The following EFNA4 variants were observed in gnomAD, a reference collection of about 807,000 sequenced individuals.
EFNA4 encodes ephrin A4, also known as ephrin-A4.
EFNA4 carries 22 observed loss-of-function variants against 23.7 expected under a neutral mutation model. The observed-to-expected ratio is 0.93, with a 90% confidence interval of 0.66 to 1.32. The LOEUF (loss-of-function observed/expected upper bound fraction) is 1.32. Among genes scored for constraint, EFNA4 ranks in the 40% most tolerant of loss-of-function variants. EFNA4 has a pLI of 0.00. For synonymous variants in EFNA4, 113 were observed against 108.3 expected (o/e 1.04, Z -0.27); for missense variants, 252 against 252.3 (o/e 1.00, Z 0.01).
At chr1:155,064,008 C>T (rs1021443736) in intron 1 of EFNA4, 72 bp downstream of exon 1, 4 of 1,318,500 alleles carry the variant, frequency 3.0e-6, no homozygotes, top group African/African-American at 1.6e-5. Context: ...GCCCGCCACC[C>T]GCTCTTTGCG....
At chr1:155,066,120 C>T (rs1167763445) in intron 1 of EFNA4, among the ~76,000 whole-genome samples, 8 of 152,182 alleles carry the variant, frequency 5.3e-5, no homozygotes, top group Admixed American at 2.6e-4. Flanking sequence ...CCTCCCACCT[C>T]GGCCTCCCAA....
At chr1:155,067,567 C>T in intron 3 of EFNA4, 127 bp downstream of exon 3, 3 of 1,037,442 alleles carry the variant, frequency 2.9e-6, no homozygotes, top group Non-Finnish European at 1.5e-6. Flanking sequence ...GTGGTCTCTT[C>T]TCCCCATTTA....
chr1:155,064,149 AC>A (rs1479317896), intron 1 of EFNA4, among the ~76,000 whole-genome samples: 1 of 151,868 alleles, frequency 6.6e-6, no homozygotes, highest in African/African-American at 2.4e-5. Context: ...CAGGCAGAAG[AC>A]CCCAGCCCCA....
chr1:155,064,798 T>C (rs933109781), intron 1 of EFNA4, among the ~76,000 whole-genome samples: 4 of 152,294 alleles, frequency 2.6e-5, no homozygotes, highest in African/African-American at 9.6e-5. Context: ...AAACACATAC[T>C]GTGTGTGCCC....
At position 155,069,126 on chromosome 1, in the gene EFNA4, G is replaced by A. The variant is rs750115905; in HGVS notation, c.*137G>A. ...TGGAGCATTGATGGGGGAGATCAGA[G>A]GGTCTGAGGTGACTCTTGCAGGAGC... On this transcript the variant is annotated 3_prime_UTR_variant, in exon 4 of 4. Coordinates refer to ENST00000368409, the MANE Select transcript of EFNA4 (RefSeq NM_005227.3). The A allele has an allele frequency of 1.2e-6, 2 of 1,611,484 alleles. No homozygotes were observed. The highest frequency in any genetic ancestry group is 2.2e-5 in the South Asian group (2 of 90,890).
In EFNA4 at chr1:155,067,036, C is replaced by T; in HGVS notation, c.400+20C>T. The T allele has an allele frequency of 6.3e-7, 1 of 1,584,366 alleles. No homozygotes were observed. The highest frequency in any genetic ancestry group is 8.6e-7 in the Non-Finnish European group (1 of 1,164,414). ...ACATCTGTGAGTGGCCAAGGGCACACTGGACACCTCTTGTGTACCAGAAGG... is the reference window on the plus strand; with the variant it reads ...ACATCTGTGAGTGGCCAAGGGCACATTGGACACCTCTTGTGTACCAGAAGG... On this transcript the variant is annotated intron_variant, in intron 2 of 3. Coordinates refer to ENST00000368409, the MANE Select transcript of EFNA4 (RefSeq NM_005227.3).
At chr1:155,066,647 C>T in intron 1 of EFNA4, 83 bp from the exon 2 acceptor site, 1 of 1,484,780 alleles carries the variant, frequency 6.7e-7, no homozygotes, top group Non-Finnish European at 9.0e-7. Flanking sequence ...TGGCAGGGGC[C>T]TCTGAGAAGG....
chr1:155,067,270 A>T, intron 2 of EFNA4, 102 bp from the exon 3 acceptor site: 1 of 1,399,464 alleles, frequency 7.1e-7, no homozygotes, highest in Non-Finnish European at 1.0e-6. Context: ...AACGCTTTCC[A>T]GGGACCTGGA....
intron 1 of EFNA4, among the ~76,000 whole-genome samples, chr1:155,065,825 C>T (rs958234721): frequency 2.6e-5 from 4 of 151,854 alleles, no homozygotes; most frequent in Admixed American, 1.3e-4. Context: ...CTCCGCCTCC[C>T]GGGTTCACGC....
At position 155,069,181 on chromosome 1, in the gene EFNA4, C is replaced by T; in HGVS notation, c.*192C>T. 6.2e-7 allele frequency: 1 copy of T among 1,600,788 alleles called. No homozygotes were observed. The highest frequency in any genetic ancestry group is 1.1e-5 in the South Asian group (1 of 89,356). Reference sequence around the variant, plus strand: ...CCCCTCATCACAGGCTAAAGAAGAGCAGTAGACAGCCCTGGACACTCTGAA... The same window carrying T: ...CCCCTCATCACAGGCTAAAGAAGAGTAGTAGACAGCCCTGGACACTCTGAA... On this transcript the variant is annotated 3_prime_UTR_variant, in exon 4 of 4. Coordinates refer to ENST00000368409, the MANE Select transcript of EFNA4 (RefSeq NM_005227.3).
chr1:155,067,383 C>G lies in EFNA4; in HGVS notation c.412C>G (p.Pro138Ala). 1 of 1,614,184 alleles carries G rather than the reference C, an allele frequency of 6.2e-7. No individual in the cohort carries two copies. Among genetic ancestry groups the G allele is most frequent in the Non-Finnish European group, 8.5e-7 (1 of 1,180,022 alleles). ...TTCCCACTACCCAGCGGTGCCCACT[C>G]CAGAGAGTTCTGGCCAGTGCTTGAG... ...ETYYYISVPT[P>A]ESSGQCLRLQ... The change falls in exon 3 of 4, where the codon CCA becomes GCA. Residue 138 changes from proline (P) to alanine (A), a missense_variant. By Grantham distance (27) the Pro-to-Ala change is conservative. Transcript: ENST00000368409.
chr1:155,068,088 T>C, intron 3 of EFNA4, among the ~76,000 whole-genome samples: 1 of 152,106 alleles, frequency 6.6e-6, no homozygotes, highest in South Asian at 2.1e-4. Flanking sequence ...AACTCACAAC[T>C]GGCTAAATTA....
chr1:155,068,979 G>A lies in EFNA4; in HGVS notation c.596G>A (p.Arg199Gln), dbSNP rs759971147. The change falls in exon 4 of 4, where the codon CGA becomes CAA. Residue 199 changes from arginine (R) to glutamine (Q), a missense_variant. Coordinates refer to ENST00000368409, the MANE Select transcript of EFNA4 (RefSeq NM_005227.3). ...CTGCTTCTGATTCTTCGTCTTCTGC[G>A]AATTCTGTGAGCCAAGCAGACCTTC... Reference protein sequence around the residue: ...LLLLLILRLLRIL With the variant: ...LLLLLILRLLQIL 1.0e-4 allele frequency: 166 copies of A among 1,613,786 alleles called. No homozygotes were observed. Among genetic ancestry groups the A allele is most frequent in the Non-Finnish European group, 1.3e-4 (157 of 1,179,912 alleles).
At position 155,066,905 on chromosome 1, in the gene EFNA4, T is replaced by A. The variant is rs1310232406; in HGVS notation, c.289T>A (p.Trp97Arg). The part of the protein sequence containing the change: ...QAEGPRAYKR[W>R]VCSLPFGHVQ... ...AGAGGGCCCCCGGGCCTACAAGCGCTGGGTGTGCTCCCTGCCCTTTGGCCA... is the reference window on the plus strand; with the variant it reads ...AGAGGGCCCCCGGGCCTACAAGCGCAGGGTGTGCTCCCTGCCCTTTGGCCA... Residue 97 changes from tryptophan (W) to arginine (R), a missense_variant, in exon 2 of 4, where the codon TGG becomes AGG. Trp to Arg is a moderately radical substitution (Grantham distance 101, BLOSUM62 -3). Transcript: ENST00000368409. The A allele has an allele frequency of 1.2e-6, 2 of 1,614,152 alleles. No homozygotes were observed. The highest frequency in any genetic ancestry group is 1.1e-5 in the South Asian group (1 of 91,088).
In EFNA4 at chr1:155,066,794, C is replaced by A. The variant is rs148289726; in HGVS notation, c.178C>A (p.His60Asn). Reference sequence around the variant, plus strand: ...CGATTACCTAGACATTGTCTGCCCCCACTACGAAGGCCCAGGGCCCCCTGA... The same window carrying A: ...CGATTACCTAGACATTGTCTGCCCCAACTACGAAGGCCCAGGGCCCCCTGA... ...LNDYLDIVCP[H>N]YEGPGPPEGP... The change falls in exon 2 of 4, where the codon CAC (histidine) becomes AAC (asparagine). Residue 60 changes from histidine (H) to asparagine (N), a missense_variant. Transcript: ENST00000368409. The A allele has an allele frequency of 1.6e-5, 26 of 1,612,738 alleles. No individual in the cohort carries two copies. The African/African-American group carries it at 3.5e-4, about 22-fold the overall frequency.
intron 1 of EFNA4, among the ~76,000 whole-genome samples, chr1:155,064,816 T>C (rs1244276100): frequency 6.6e-6 from 1 of 152,178 alleles, no homozygotes; most frequent in Non-Finnish European, 1.5e-5. Flanking sequence ...CCCGGCCCTG[T>C]GCTAGGTTGC....
At chr1:155,067,043 C>G in intron 2 of EFNA4, 27 bp downstream of exon 2, 1 of 1,576,862 alleles carries the variant, frequency 6.3e-7, no homozygotes. Flanking sequence ...ACACTGGACA[C>G]CTCTTGTGTA....
chr1:155,067,846 C>T (rs1287538713), intron 3 of EFNA4, among the ~76,000 whole-genome samples: 6 of 152,138 alleles, frequency 3.9e-5, no homozygotes, highest in Non-Finnish European at 5.9e-5. Flanking sequence ...TGGTCTCGAT[C>T]TCCTGACCTT....
intron 1 of EFNA4, 135 bp downstream of exon 1, chr1:155,064,071 G>A: frequency 1.5e-6 from 1 of 655,870 alleles, no homozygotes; most frequent in Non-Finnish European, 2.4e-6. Flanking sequence ...TGAGCCGGCG[G>A]GGGAGGGGGG....
Sources: allele counts gnomAD v4.1 joint callset (sites outside exome capture counted in the v4.1 genomes callset), GRCh38; gene constraint gnomAD v4.1.1; transcripts MANE v1.5; gene names NCBI Gene and HGNC (gene_info 2026-07-23, HGNC 2026-07-21).